The following GRB14 variants were observed in gnomAD, a reference collection of about 807,000 sequenced individuals.
GRB14 encodes the protein growth factor receptor-bound protein 14.
A neutral mutation model predicts 69.1 loss-of-function variants in GRB14; 38 were observed. That is an observed-to-expected ratio of 0.55 (90% CI 0.42 to 0.72). The LOEUF is 0.72. Ranked by LOEUF, GRB14 falls within the 30% of genes least tolerant of loss-of-function variation. GRB14 has a pLI of 0.00. For synonymous variants in GRB14, 247 were observed against 241.3 expected, an observed-to-expected ratio of 1.02 and a Z score of -0.22; for missense variants, 666 against 666.1, an observed-to-expected ratio of 1.00 and a Z score of 0.00.
At chr2:164,500,745 A>T (rs932427532) in intron 9 of GRB14, among the ~76,000 whole-genome samples, 11 of 152,122 alleles carry the variant, frequency 7.2e-5, no homozygotes, top group African/African-American at 2.4e-4. Flanking sequence ...TCCCAACCAA[A>T]CTCACTCAAG....
chr2:164,528,742 A>C lies in GRB14; in HGVS notation c.482-1607T>G, dbSNP rs77790104. ...TCCATTCTCACCTCTTCAACCATCT[A>C]ATTTGTCAGGTTTTCTGAAGTGAAA... is the stretch of plus-strand genomic sequence containing the variant. On this transcript the variant is annotated intron_variant, in intron 3 of 13. Transcript: ENST00000263915. 1.4e-3 allele frequency among the ~76,000 whole-genome samples: 208 copies of C among 152,048 alleles called. 7 individuals are homozygous for C. In the East Asian group the frequency reaches 0.034, roughly 25 times the overall value.
chr2:164,536,087 T>C (rs1056586268), intron 3 of GRB14, among the ~76,000 whole-genome samples: 6 of 152,236 alleles, frequency 3.9e-5, no homozygotes, highest in African/African-American at 1.4e-4. Context: ...GCACAGCATG[T>C]GATTTCTTTG....
intron 2 of GRB14, among the ~76,000 whole-genome samples, chr2:164,616,425 CAAAAAAAAAAAAA>C (rs34263597): frequency 3.3e-4 from 22 of 66,630 alleles, no homozygotes; most frequent in African/African-American, 1.2e-3. Flanking sequence ...GACTCCGTCT[CAAAAAAAAAAAAA>C]AAAAAAAAAA....
intron 7 of GRB14, 79 bp from the exon 8 acceptor site, chr2:164,508,629 T>G: frequency 4.1e-6 from 6 of 1,466,754 alleles, no homozygotes; most frequent in Non-Finnish European, 5.7e-6. Context: ...CCACTAAAAT[T>G]CTCCTATATA....
chr2:164,512,060 G>C (rs555327439), intron 6 of GRB14, among the ~76,000 whole-genome samples: 132 of 152,298 alleles, frequency 8.7e-4, no homozygotes, highest in African/African-American at 3.1e-3. Flanking sequence ...GTGAAAAGTG[G>C]GGGGAAGAGT....
chr2:164,508,327 T>C (rs1687244076), intron 8 of GRB14, 128 bp downstream of exon 8: 1 of 660,808 alleles, frequency 1.5e-6, no homozygotes, highest in Non-Finnish European at 2.6e-6. Flanking sequence ...ACATACACAT[T>C]TGGTGGTTAT....
At chr2:164,574,021 C>T (rs1422386253) in intron 2 of GRB14, 1 of 1,433,740 alleles carries the variant, frequency 7.0e-7, no homozygotes, top group South Asian at 1.1e-5. Flanking sequence ...AAATTCTTAA[C>T]ATAGATTGTT....
At chr2:164,494,835 A>G (rs1018386656) in intron 12 of GRB14, among the ~76,000 whole-genome samples, 2 of 152,234 alleles carry the variant, frequency 1.3e-5, no homozygotes, top group Admixed American at 6.5e-5. Context: ...TTCTCTTTGC[A>G]CTGGGAAACT....
At chr2:164,498,953 A>G (rs889286414) in intron 9 of GRB14, among the ~76,000 whole-genome samples, 2 of 152,100 alleles carry the variant, frequency 1.3e-5, no homozygotes, top group Non-Finnish European at 2.9e-5. Flanking sequence ...TTCCACACAG[A>G]TGCTGTCTCT....
At chr2:164,587,867 G>A (rs570801590) in intron 2 of GRB14, among the ~76,000 whole-genome samples, 115 of 152,232 alleles carry the variant, frequency 7.6e-4, no homozygotes, top group Middle Eastern at 6.8e-3. Context: ...CATGAAAGAC[G>A]GGGTGAAATG....
intron 3 of GRB14, among the ~76,000 whole-genome samples, chr2:164,536,292 T>C (rs995421463): frequency 6.6e-6 from 1 of 152,248 alleles, no homozygotes; most frequent in Non-Finnish European, 1.5e-5. Flanking sequence ...ATTTGATCAC[T>C]GTTAAGATAG....
chr2:164,586,523 G>C (rs1689543990), intron 2 of GRB14, among the ~76,000 whole-genome samples: 1 of 152,112 alleles, frequency 6.6e-6, no homozygotes, highest in African/African-American at 2.4e-5. Flanking sequence ...GAGTTTCCTT[G>C]TTATTTAACA....
chr2:164,581,705 G>C (rs1205227987), intron 2 of GRB14, among the ~76,000 whole-genome samples: 1 of 152,188 alleles, frequency 6.6e-6, no homozygotes, highest in Non-Finnish European at 1.5e-5. Flanking sequence ...GTTGTAATTT[G>C]TTACAGCAGC....
intron 8 of GRB14, 117 bp downstream of exon 8, chr2:164,508,338 T>G: frequency 1.4e-6 from 1 of 721,564 alleles, no homozygotes. Context: ...TGGTGGTTAT[T>G]TTTCTTCTTT....
intron 5 of GRB14, 48 bp downstream of exon 5, chr2:164,524,956 T>A: frequency 9.8e-7 from 1 of 1,020,076 alleles, no homozygotes; most frequent in Non-Finnish European, 1.5e-6. Flanking sequence ...TTAAAAGTTT[T>A]CCTTCATTAT....
intron 3 of GRB14, among the ~76,000 whole-genome samples, chr2:164,547,340 A>G (rs1241716617): frequency 6.6e-6 from 1 of 152,192 alleles, no homozygotes; most frequent in Non-Finnish European, 1.5e-5. Context: ...TATTTATAAG[A>G]TAAATTTAAC....
intron 5 of GRB14, 147 bp downstream of exon 5, chr2:164,524,857 A>T (rs1323127366): frequency 6.6e-6 from 3 of 457,832 alleles, no homozygotes; most frequent in African/African-American, 6.4e-5. Context: ...GCCTGGGTGC[A>T]TTTTTTTTTT....
chr2:164,543,940 G>A (rs968344298), intron 3 of GRB14, among the ~76,000 whole-genome samples: 3 of 152,154 alleles, frequency 2.0e-5, no homozygotes, highest in Non-Finnish European at 4.4e-5. Flanking sequence ...TAAAGAACTG[G>A]AAGCTATTAA....
At chr2:164,566,639 G>A (rs974644811) in intron 2 of GRB14, among the ~76,000 whole-genome samples, 3 of 151,988 alleles carry the variant, frequency 2.0e-5, no homozygotes, top group African/African-American at 7.2e-5. Context: ...TTCTAGCCAA[G>A]TTTTCCCATA....
Sources: allele counts gnomAD v4.1 joint callset (sites outside exome capture counted in the v4.1 genomes callset), GRCh38; gene constraint gnomAD v4.1.1; transcripts MANE v1.5; gene names NCBI Gene and HGNC (gene_info 2026-07-23, HGNC 2026-07-21).